SORCS2: variants seen among roughly 807,000 people sequenced by gnomAD.
SORCS2 encodes VPS10 domain-containing receptor SorCS2.
SORCS2 carries 100 observed loss-of-function variants against 141.6 expected under a neutral mutation model. That is an observed-to-expected ratio of 0.71 (90% confidence interval 0.60 to 0.83). The LOEUF (loss-of-function observed/expected upper bound fraction) is 0.83. Among genes scored for constraint, SORCS2 ranks in the 40% least tolerant of loss-of-function variants. The probability of loss-of-function intolerance (pLI) is 0.00; values close to 1 mark genes in which losing one functional copy is unlikely to be tolerated. For missense variants in SORCS2, 1,646 were observed against 1,560.2 expected, an observed-to-expected ratio of 1.05 and a Z score of -0.93; for synonymous variants, 789 against 676.9, an observed-to-expected ratio of 1.17 and a Z score of -2.57.
intron 3 of SORCS2, among the ~76,000 whole-genome samples, chr4:7,543,711 CCCAT>C (rs1293792622): frequency 6.7e-4 from 2 of 2,990 alleles, no homozygotes; most frequent in Admixed American, 3.9e-3. Context: ...CATCCATCCA[CCCAT>C]CCACCCATCC....
At chr4:7,389,345 G>A (rs1723708557) in intron 1 of SORCS2, among the ~76,000 whole-genome samples, 1 of 152,154 alleles carries the variant, frequency 6.6e-6, no homozygotes. Context: ...GGTCTGAGTT[G>A]GGCCTGAGTG....
At chr4:7,333,479 C>T (rs1041554282) in intron 1 of SORCS2, among the ~76,000 whole-genome samples, 1 of 152,200 alleles carries the variant, frequency 6.6e-6, no homozygotes, top group Non-Finnish European at 1.5e-5. Flanking sequence ...CTAAACTGCA[C>T]AGGGCCCAGC....
intron 12 of SORCS2, 101 bp downstream of exon 12, chr4:7,697,375 G>A: frequency 9.5e-7 from 1 of 1,052,788 alleles, no homozygotes; most frequent in Admixed American, 2.4e-5. Flanking sequence ...GAGGCTCTGT[G>A]GGAGAAGCTC....
intron 1 of SORCS2, among the ~76,000 whole-genome samples, chr4:7,242,165 A>G (rs879835438): frequency 1.3e-5 from 2 of 152,140 alleles, no homozygotes; most frequent in Admixed American, 6.5e-5. Context: ...TGAGAGTCAC[A>G]TGAGTGTTCC....
At chr4:7,723,469 G>T (rs1037025971) in intron 18 of SORCS2, among the ~76,000 whole-genome samples, 3 of 152,072 alleles carry the variant, frequency 2.0e-5, no homozygotes, top group African/African-American at 7.2e-5. Context: ...AATATCCCTT[G>T]GCCACAGCCC....
At chr4:7,277,104 G>T (rs1382969343) in intron 1 of SORCS2, among the ~76,000 whole-genome samples, 2 of 136,128 alleles carry the variant, frequency 1.5e-5, no homozygotes, top group South Asian at 2.3e-4. Context: ...GTCCTGTGAG[G>T]GTCTCTCCTG....
At chr4:7,318,964 C>T (rs1237792247) in intron 1 of SORCS2, among the ~76,000 whole-genome samples, 1 of 152,162 alleles carries the variant, frequency 6.6e-6, no homozygotes, top group Non-Finnish European at 1.5e-5. Flanking sequence ...TCCAGGACGC[C>T]AGGTAAGTGG....
intron 2 of SORCS2, among the ~76,000 whole-genome samples, chr4:7,441,102 C>A (rs1343242890): frequency 6.6e-6 from 1 of 152,060 alleles, no homozygotes; most frequent in Admixed American, 6.5e-5. Flanking sequence ...GATAGCACCC[C>A]AAGAGGGGGA....
At chr4:7,259,985 G>A (rs1391780492) in intron 1 of SORCS2, among the ~76,000 whole-genome samples, 1 of 152,208 alleles carries the variant, frequency 6.6e-6, no homozygotes, top group East Asian at 1.9e-4. Context: ...AGGGTGATTT[G>A]GGGGAATGAC....
chr4:7,540,199 CCCCTCCCTGCCCCTGCCTCT>C (rs1288256303), intron 3 of SORCS2, among the ~76,000 whole-genome samples: 2 of 127,146 alleles, frequency 1.6e-5, no homozygotes, highest in Non-Finnish European at 3.4e-5. Flanking sequence ...CCCCTCCCTG[CCCCTCCCTGCCCCTGCCTCT>C]GCCTCTCCCT....
intron 5 of SORCS2, among the ~76,000 whole-genome samples, chr4:7,659,480 A>G (rs1029663196): frequency 6.6e-6 from 1 of 152,098 alleles, no homozygotes; most frequent in African/African-American, 2.4e-5. Context: ...GGCCCCTCAC[A>G]GAACCCCTGT....
At chr4:7,692,206 A>G (rs1724301561) in intron 11 of SORCS2, among the ~76,000 whole-genome samples, 1 of 152,168 alleles carries the variant, frequency 6.6e-6, no homozygotes, top group Admixed American at 6.5e-5. Flanking sequence ...CTGGCCCGAC[A>G]TGGCTGCCTG....
At chr4:7,259,794 G>C (rs1198729496) in intron 1 of SORCS2, among the ~76,000 whole-genome samples, 1 of 152,224 alleles carries the variant, frequency 6.6e-6, no homozygotes, top group African/African-American at 2.4e-5. Flanking sequence ...TTACAGATGA[G>C]GACCTGAGAC....
At chr4:7,467,963 C>T (rs548347009) in intron 2 of SORCS2, among the ~76,000 whole-genome samples, 1 of 152,238 alleles carries the variant, frequency 6.6e-6, no homozygotes, top group Non-Finnish European at 1.5e-5. Flanking sequence ...GCCCAAGGGG[C>T]TGGCTCTGTC....
chr4:7,736,435 C>T (rs1163103059), intron 25 of SORCS2, among the ~76,000 whole-genome samples: 2 of 152,228 alleles, frequency 1.3e-5, no homozygotes, highest in South Asian at 2.1e-4. Context: ...GAGAAAGCCC[C>T]CCTCTCCCAC....
chr4:7,650,494 G>A (rs1463553012), intron 4 of SORCS2, among the ~76,000 whole-genome samples: 3 of 152,202 alleles, frequency 2.0e-5, no homozygotes, highest in Non-Finnish European at 4.4e-5. Flanking sequence ...GCGTTGGAGC[G>A]CACGCAAGGT....
intron 1 of SORCS2, among the ~76,000 whole-genome samples, chr4:7,328,245 A>C (rs1429396344): frequency 2.7e-5 from 4 of 147,550 alleles, no homozygotes; most frequent in African/African-American, 1.0e-4. Flanking sequence ...CATGTTGGCC[A>C]GGCTGGTCTT....
At chr4:7,734,206 G>T in intron 24 of SORCS2, 66 bp from the exon 25 acceptor site, 1 of 1,232,606 alleles carries the variant, frequency 8.1e-7, no homozygotes, top group Non-Finnish European at 1.1e-6. Flanking sequence ...CAGACGGGAT[G>T]GGCTGGGGAT....
chr4:7,676,824 T>TCTCTCTCTCTCTCTCTCTCTCC lies in SORCS2; in HGVS notation c.1341+600_1341+601insTCTCTCTCTCTCTCTCCCTCTC, dbSNP rs765132758. Among the ~76,000 whole-genome samples the TCTCTCTCTCTCTCTCTCTCTCC allele has an allele frequency of 6.5e-3, 318 of 49,074 alleles. 84 individuals are homozygous for TCTCTCTCTCTCTCTCTCTCTCC. Among genetic ancestry groups the TCTCTCTCTCTCTCTCTCTCTCC allele is most frequent in the Middle Eastern group, 0.021 (1 of 48 alleles). 32.2% of individuals were successfully genotyped at this position (49,074 alleles called of 152,430 possible). A position where few individuals can be genotyped will look rare whatever the true frequency, so the allele number is the denominator to read the frequency against. On this transcript the variant is annotated intron_variant, in intron 9 of 26. Transcript: ENST00000507866. ...TTCTGTCTCTCTCTCTCTCTCTCTC[T>TCTCTCTCTCTCTCTCTCTCTCC]CTCTCCCTCTCTCCACCCCAGCCCT...
Sources: allele counts gnomAD v4.1 joint callset (sites outside exome capture counted in the v4.1 genomes callset), GRCh38; gene constraint gnomAD v4.1.1; transcripts MANE v1.5; gene names NCBI Gene and HGNC (gene_info 2026-07-23, HGNC 2026-07-21).